CMTM8: variants seen among roughly 807,000 people sequenced by gnomAD.
CMTM8 encodes the protein CKLF-like MARVEL transmembrane domain-containing protein 8.
Under a neutral mutation model 18.6 loss-of-function variants are expected in CMTM8, and 12 were observed. The ratio of observed to expected loss-of-function variants is 0.65; its 90% confidence interval spans 0.41 to 1.05. The LOEUF (loss-of-function observed/expected upper bound fraction) is 1.05, where lower values mean the gene tolerates loss of function less well. Ranked by LOEUF, CMTM8 falls within the 50% of genes least tolerant of loss-of-function variation. CMTM8 has a pLI of 0.00. For missense variants in CMTM8, 217 were observed against 227.2 expected (o/e 0.95, Z 0.29); for synonymous variants, 87 against 90.6 (o/e 0.96, Z 0.23).
At position 32,290,578 on chromosome 3, in the gene CMTM8, G is replaced by A. The variant is rs1702763375; in HGVS notation, c.147+51459G>A. ...GTGCTGGAACATGGAGTTTAGACCTGATCCAACCTGCTGCTGTTTCTCAGG... is the reference window on the plus strand; with the variant it reads ...GTGCTGGAACATGGAGTTTAGACCTAATCCAACCTGCTGCTGTTTCTCAGG... On this transcript the variant is annotated intron_variant, in intron 1 of 3. Coordinates refer to ENST00000307526, the MANE Select transcript of CMTM8 (RefSeq NM_178868.5). 2.0e-5 allele frequency among the ~76,000 whole-genome samples: 3 copies of A among 152,348 alleles called. 1 individual carries two copies. In the South Asian group the frequency reaches 6.2e-4, roughly 32 times the overall value.
intron 1 of CMTM8, among the ~76,000 whole-genome samples, chr3:32,321,336 G>A (rs1050803328): frequency 6.6e-6 from 1 of 152,080 alleles, no homozygotes; most frequent in African/African-American, 2.4e-5. Flanking sequence ...GCATTCACCC[G>A]GGTGTGCACG....
chr3:32,245,184 A>AC (rs1397639673), intron 1 of CMTM8, among the ~76,000 whole-genome samples: 1 of 152,142 alleles, frequency 6.6e-6, no homozygotes, highest in Non-Finnish European at 1.5e-5. Context: ...AGATATACCT[A>AC]CCCCCAGAAA....
chr3:32,368,072 G>C (rs1697077905), intron 3 of CMTM8, 84 bp downstream of exon 3: 1 of 922,148 alleles, frequency 1.1e-6, no homozygotes, highest in African/African-American at 1.6e-5. Context: ...GTCATCTGCA[G>C]GAAAAAGCAG....
At chr3:32,354,424 CA>C (rs1050462248) in intron 1 of CMTM8, among the ~76,000 whole-genome samples, 4 of 152,136 alleles carry the variant, frequency 2.6e-5, no homozygotes, top group Non-Finnish European at 4.4e-5. Flanking sequence ...GGTCATGGGT[CA>C]AGTATTCCCG....
At chr3:32,294,391 T>C (rs1333880335) in intron 1 of CMTM8, among the ~76,000 whole-genome samples, 1 of 152,248 alleles carries the variant, frequency 6.6e-6, no homozygotes, top group Non-Finnish European at 1.5e-5. Flanking sequence ...CCGATTATGC[T>C]TTACGCTGCA....
At chr3:32,291,221 C>CG (rs1702775170) in intron 1 of CMTM8, among the ~76,000 whole-genome samples, 1 of 151,944 alleles carries the variant, frequency 6.6e-6, no homozygotes, top group Admixed American at 6.6e-5. Context: ...CTCTGCCCCC[C>CG]GGGTTCACGC....
chr3:32,244,477 C>T (rs540852452), intron 1 of CMTM8, among the ~76,000 whole-genome samples: 2 of 152,198 alleles, frequency 1.3e-5, no homozygotes, highest in Non-Finnish European at 2.9e-5. Flanking sequence ...TGAGCCGTTG[C>T]GGCCAGAAGA....
At chr3:32,316,158 G>C (rs1166102826) in intron 1 of CMTM8, among the ~76,000 whole-genome samples, 2 of 151,228 alleles carry the variant, frequency 1.3e-5, no homozygotes, top group African/African-American at 4.9e-5. Context: ...CTCCCGAGTA[G>C]CTGGGACTAC....
chr3:32,289,571 C>T (rs1486499351), intron 1 of CMTM8, among the ~76,000 whole-genome samples: 1 of 152,056 alleles, frequency 6.6e-6, no homozygotes, highest in Non-Finnish European at 1.5e-5. Context: ...AGCACAATAC[C>T]TGAAATATTA....
intron 2 of CMTM8, among the ~76,000 whole-genome samples, chr3:32,367,446 GA>G (rs1405030671): frequency 6.6e-6 from 1 of 152,106 alleles, no homozygotes; most frequent in African/African-American, 2.4e-5. Context: ...TGTTTTGGGG[GA>G]CACTGTATTG....
intron 1 of CMTM8, among the ~76,000 whole-genome samples, chr3:32,289,351 C>G (rs1191394912): frequency 6.6e-6 from 1 of 152,190 alleles, no homozygotes; most frequent in South Asian, 2.1e-4. Flanking sequence ...TGAGAATGAA[C>G]TCTGCTGTAT....
At chr3:32,369,396 A>G (rs369729572) in intron 3 of CMTM8, among the ~76,000 whole-genome samples, 32 of 152,302 alleles carry the variant, frequency 2.1e-4, no homozygotes, top group Non-Finnish European at 3.5e-4. Flanking sequence ...GCTCAAGTTA[A>G]CACGTAGCAA....
intron 1 of CMTM8, among the ~76,000 whole-genome samples, chr3:32,279,934 G>C (rs1216212005): frequency 6.6e-6 from 1 of 151,558 alleles, no homozygotes; most frequent in African/African-American, 2.4e-5. Flanking sequence ...GGCCAGTGAT[G>C]ATGAGCATTT....
In CMTM8 at chr3:32,332,630, G is replaced by A. The variant is rs191288876; in HGVS notation, c.148-24743G>A. ...TGCCTTCTAATGCTGTCCTTAGCAC[G>A]CTCAGCCGCCTCAATCCTTCTTGAA... On this transcript the variant is annotated intron_variant, in intron 1 of 3. Transcript: ENST00000307526. Among the ~76,000 whole-genome samples the A allele has an allele frequency of 8.5e-4, 130 of 152,254 alleles. 2 individuals are homozygous for A. The highest frequency in any genetic ancestry group is 2.9e-3 in the African/African-American group (119 of 41,526).
chr3:32,328,772 C>G (rs1392055779), intron 1 of CMTM8, among the ~76,000 whole-genome samples: 6 of 152,084 alleles, frequency 3.9e-5, no homozygotes, highest in Non-Finnish European at 7.4e-5. Flanking sequence ...AACCTACGAC[C>G]TACCAAGACT....
chr3:32,361,084 C>T (rs908769615), intron 2 of CMTM8, among the ~76,000 whole-genome samples: 16 of 152,262 alleles, frequency 1.1e-4, no homozygotes, highest in South Asian at 4.2e-4. Context: ...CGGGTTCAAG[C>T]GATTCTCCTG....
At chr3:32,270,674 A>C in intron 1 of CMTM8, among the ~76,000 whole-genome samples, 1 of 152,288 alleles carries the variant, frequency 6.6e-6, no homozygotes, top group South Asian at 2.1e-4. Flanking sequence ...GAACAGTGAG[A>C]ACACTTGGAC....
At chr3:32,283,961 A>G (rs1342169446) in intron 1 of CMTM8, among the ~76,000 whole-genome samples, 1 of 152,214 alleles carries the variant, frequency 6.6e-6, no homozygotes, top group African/African-American at 2.4e-5. Context: ...ACACAAATAT[A>G]CACTTAGGGC....
Position 32,331,551 on chromosome 3 carries a change from CAA to C in CMTM8, c.148-25811_148-25810del, listed in dbSNP as rs370967984. Among the ~76,000 whole-genome samples the C allele has an allele frequency of 5.8e-3, 796 of 138,230 alleles. 11 individuals are homozygous for C. Among genetic ancestry groups the C allele is most frequent in the African/African-American group, 0.02 (754 of 37,578 alleles). 90.7% of individuals were successfully genotyped at this position (138,230 alleles called of 152,430 possible). A position where few individuals can be genotyped will look rare whatever the true frequency, so the allele number is the denominator to read the frequency against. The stretch of plus-strand genomic sequence containing the variant: ...AAAAACAATGAACAAATAAACCATA[CAA>C]AAAAAAAAAAGGATCTTGAGATATT... On this transcript the variant is annotated intron_variant, in intron 1 of 3. Coordinates refer to ENST00000307526, the MANE Select transcript of CMTM8 (RefSeq NM_178868.5).
Sources: gnomAD v4.1 joint callset for allele counts (sites outside exome capture counted in the v4.1 genomes callset) on GRCh38, gnomAD v4.1.1 for gene constraint, MANE v1.5 for transcripts, NCBI Gene and HGNC (gene_info 2026-07-23, HGNC 2026-07-21) for gene names.